Variants in NRXN3 observed in about 807,000 individuals in gnomAD.
NRXN3 encodes the protein neurexin III.
A neutral mutation model predicts 137.6 loss-of-function variants in NRXN3; 32 were observed. The observed-to-expected ratio is 0.23, with a 90% CI of 0.18 to 0.31. The LOEUF is 0.31. NRXN3 is among the 10% of genes least tolerant of loss of function. The pLI, the probability that NRXN3 is intolerant of heterozygous loss-of-function variation, is 1.00. For synonymous variants in NRXN3, 798 were observed against 784.5 expected, an observed-to-expected ratio of 1.02 and a Z score of -0.29; for missense variants, 1,574 against 2,062.5, an observed-to-expected ratio of 0.76 and a Z score of 4.59.
intron 4 of NRXN3, among the ~76,000 whole-genome samples, chr14:78,347,494 A>G (rs2082910788): frequency 6.6e-6 from 1 of 152,132 alleles, no homozygotes. Context: ...ATACTTTCTA[A>G]GCTGTTGCCA....
At chr14:78,623,401 T>C (rs935912110) in intron 4 of NRXN3, among the ~76,000 whole-genome samples, 1 of 152,200 alleles carries the variant, frequency 6.6e-6, no homozygotes, top group Non-Finnish European at 1.5e-5. Context: ...ACTCAAATTG[T>C]CAGTTGACTT....
At chr14:79,661,644 G>T (rs932442355) in intron 16 of NRXN3, 15 of 152,076 alleles carry the variant, frequency 9.9e-5, no homozygotes, top group Admixed American at 6.6e-4. Flanking sequence ...ATACATGAAT[G>T]AATAAAACAA....
At chr14:78,211,026 C>A (rs1372219922) in intron 1 of NRXN3, among the ~76,000 whole-genome samples, 1 of 152,092 alleles carries the variant, frequency 6.6e-6, no homozygotes, top group Non-Finnish European at 1.5e-5. Flanking sequence ...ATGATCATAC[C>A]TACCTTATAG....
chr14:79,803,011 C>T (rs948171043), intron 19 of NRXN3, among the ~76,000 whole-genome samples: 9 of 152,070 alleles, frequency 5.9e-5, no homozygotes, highest in African/African-American at 2.2e-4. Flanking sequence ...AACAAACCTG[C>T]ACGTTTTGCA....
intron 15 of NRXN3, among the ~76,000 whole-genome samples, chr14:79,295,250 A>G (rs560980423): frequency 1.3e-5 from 2 of 151,920 alleles, no homozygotes; most frequent in East Asian, 1.9e-4. Flanking sequence ...TTTCTCTGGG[A>G]TGTTTTCATC....
At chr14:78,805,646 C>T (rs965059058) in intron 9 of NRXN3, among the ~76,000 whole-genome samples, 3 of 151,058 alleles carry the variant, frequency 2.0e-5, no homozygotes, top group African/African-American at 7.3e-5. Context: ...AACTAGCTCA[C>T]TGAAAAAGAT....
intron 15 of NRXN3, among the ~76,000 whole-genome samples, chr14:79,429,536 A>G (rs909849948): frequency 2.0e-5 from 3 of 152,250 alleles, no homozygotes; most frequent in African/African-American, 7.2e-5. Flanking sequence ...TGCCTGGCAC[A>G]TAATATAATT....
At chr14:78,928,569 C>T (rs1375187687) in intron 10 of NRXN3, among the ~76,000 whole-genome samples, 3 of 151,964 alleles carry the variant, frequency 2.0e-5, no homozygotes, top group Non-Finnish European at 2.9e-5. Context: ...TTTGTCCTTG[C>T]GATAGTTTGC....
At chr14:78,534,895 A>G (rs1247199500) in intron 4 of NRXN3, among the ~76,000 whole-genome samples, 2 of 152,188 alleles carry the variant, frequency 1.3e-5, no homozygotes, top group Non-Finnish European at 2.9e-5. Context: ...TTTTAGTGAT[A>G]ATAGTTGTTT....
intron 20 of NRXN3, among the ~76,000 whole-genome samples, chr14:79,855,745 A>G (rs1039714020): frequency 6.6e-6 from 1 of 152,312 alleles, no homozygotes; most frequent in African/African-American, 2.4e-5. Flanking sequence ...AAATAATAAC[A>G]TTAGTAACTA....
At chr14:79,526,448 G>T (rs1426778845) in intron 16 of NRXN3, among the ~76,000 whole-genome samples, 1 of 152,136 alleles carries the variant, frequency 6.6e-6, no homozygotes, top group African/African-American at 2.4e-5. Context: ...TCCTGTGTAG[G>T]TTTCCCAAAG....
At chr14:78,947,266 A>G (rs1244732395) in intron 10 of NRXN3, among the ~76,000 whole-genome samples, 1 of 152,186 alleles carries the variant, frequency 6.6e-6, no homozygotes, top group Admixed American at 6.5e-5. Flanking sequence ...CATGCCAAAG[A>G]GGCTGCAAAT....
chr14:79,397,294 C>T (rs2095053516), intron 15 of NRXN3, among the ~76,000 whole-genome samples: 1 of 152,154 alleles, frequency 6.6e-6, no homozygotes, highest in South Asian at 2.1e-4. Flanking sequence ...TAATTACATG[C>T]ATCTTTCATG....
At chr14:78,767,180 C>T (rs1012857099) in intron 8 of NRXN3, among the ~76,000 whole-genome samples, 9 of 152,156 alleles carry the variant, frequency 5.9e-5, no homozygotes, top group African/African-American at 1.9e-4. Context: ...TCCAAGCTCA[C>T]ACGGTTAGCA....
chr14:79,773,991 G>A (rs1480440834), intron 19 of NRXN3, among the ~76,000 whole-genome samples: 1 of 151,990 alleles, frequency 6.6e-6, no homozygotes, highest in Non-Finnish European at 1.5e-5. Flanking sequence ...CTTTATATGT[G>A]TCCCACTCTT....
intron 7 of NRXN3, among the ~76,000 whole-genome samples, chr14:78,713,448 A>G (rs2098418551): frequency 6.6e-6 from 1 of 152,196 alleles, no homozygotes; most frequent in Non-Finnish European, 1.5e-5. Context: ...ACCTGCCTAG[A>G]GAGACCTTCA....
chr14:79,631,514 C>A (rs546936021), intron 16 of NRXN3, among the ~76,000 whole-genome samples: 19 of 152,300 alleles, frequency 1.2e-4, no homozygotes, highest in Non-Finnish European at 2.6e-4. Context: ...AGGGTTCGGG[C>A]TCCGTGGCCC....
chr14:78,466,055 G>A (rs565269441), intron 4 of NRXN3, among the ~76,000 whole-genome samples: 7 of 151,476 alleles, frequency 4.6e-5, no homozygotes, highest in African/African-American at 1.2e-4. Flanking sequence ...GGGTTTCTCC[G>A]TGTTAGCCAG....
intron 10 of NRXN3, among the ~76,000 whole-genome samples, chr14:78,944,291 G>T (rs901535479): frequency 1.3e-5 from 2 of 152,164 alleles, no homozygotes; most frequent in Admixed American, 6.5e-5. Flanking sequence ...TCAGATCTGG[G>T]TTGTACTTAT....
Sources: gnomAD v4.1 joint callset for allele counts (sites outside exome capture counted in the v4.1 genomes callset) on GRCh38, gnomAD v4.1.1 for gene constraint, MANE v1.5 for transcripts, NCBI Gene and HGNC (gene_info 2026-07-23, HGNC 2026-07-21) for gene names.